The following KRABD2 variants were observed in gnomAD, a reference collection of about 807,000 sequenced individuals.
KRABD2 encodes the protein KRAB domain-containing protein 2.
chr17:8,359,333 A>C, the KRABD2 span, among the ~76,000 whole-genome samples: 4 of 152,206 alleles, frequency 2.6e-5, no homozygotes, highest in Non-Finnish European at 5.9e-5. Flanking sequence ...TTCTCCCTGC[A>C]AGAAGTCCTC....
At chr17:8,366,935 G>A in the KRABD2 span, among the ~76,000 whole-genome samples, 2 of 151,696 alleles carry the variant, frequency 1.3e-5, no homozygotes, top group Non-Finnish European at 2.9e-5. Flanking sequence ...TTGGCCAGGC[G>A]GGTCTCGAAC....
At chr17:8,370,026 A>G in the KRABD2 span, 1 of 1,614,174 alleles carries the variant, frequency 6.2e-7, no homozygotes, top group Non-Finnish European at 8.5e-7. Context: ...ATCATGAAGA[A>G]TATCAAACAA....
At chr17:8,363,318 C>T in the KRABD2 span, among the ~76,000 whole-genome samples, 1 of 152,028 alleles carries the variant, frequency 6.6e-6, no homozygotes, top group Non-Finnish European at 1.5e-5. Context: ...AAGAAATGGC[C>T]AAGGATGAGA....
At chr17:8,363,670 T>C in the KRABD2 span, among the ~76,000 whole-genome samples, 1 of 151,556 alleles carries the variant, frequency 6.6e-6, no homozygotes, top group African/African-American at 2.4e-5. Context: ...TTAAATGGCA[T>C]TATTTTTCCA....
the KRABD2 span, among the ~76,000 whole-genome samples, chr17:8,361,957 A>T: frequency 1.3e-5 from 2 of 152,214 alleles, no homozygotes; most frequent in Admixed American, 6.5e-5. Context: ...GAGGAAAATT[A>T]AGTCCTTAAT....
At chr17:8,368,105 A>G in the KRABD2 span, among the ~76,000 whole-genome samples, 1 of 151,928 alleles carries the variant, frequency 6.6e-6, no homozygotes, top group African/African-American at 2.4e-5. Flanking sequence ...TGAAAAAAAA[A>G]ATAAATAAAT....
chr17:8,366,075 C>T, the KRABD2 span, among the ~76,000 whole-genome samples: 420 of 152,016 alleles, frequency 2.8e-3, 1 homozygote, highest in African/African-American at 9.6e-3. Context: ...TTGCAGTGAG[C>T]CAAGATTGTG....
chr17:8,369,777 T>G, the KRABD2 span: 1 of 1,614,208 alleles, frequency 6.2e-7, no homozygotes, highest in Non-Finnish European at 8.5e-7. Context: ...TAAAATGAAC[T>G]TGAACTCACC....
chr17:8,367,662 C>CAA, the KRABD2 span, among the ~76,000 whole-genome samples: 71 of 94,132 alleles, frequency 7.5e-4, no homozygotes, highest in Admixed American at 4.6e-3. Context: ...GACCCTGTCT[C>CAA]AAAAAAAAAA....
chr17:8,369,365 G>C, the KRABD2 span: 1 of 1,614,204 alleles, frequency 6.2e-7, no homozygotes, highest in Non-Finnish European at 8.5e-7. Flanking sequence ...GCCCAAATTT[G>C]GCTTTATAGC....
At chr17:8,362,453 C>T in the KRABD2 span, among the ~76,000 whole-genome samples, 1 of 152,144 alleles carries the variant, frequency 6.6e-6, no homozygotes, top group Non-Finnish European at 1.5e-5. This position sits in a 1 kb window ranked among gnomAD's most constrained non-coding sequence, Gnocchi z 4.2. Context: ...GGTGGGTTGT[C>T]TCCAATCAAC....
chr17:8,360,037 A>C, the KRABD2 span: 3 of 359,594 alleles, frequency 8.3e-6, no homozygotes, highest in African/African-American at 6.4e-5. Flanking sequence ...GCTCACAAGC[A>C]CTCATCTGCT....
chr17:8,364,202 A>G, the KRABD2 span, among the ~76,000 whole-genome samples: 18 of 152,080 alleles, frequency 1.2e-4, no homozygotes, highest in African/African-American at 4.1e-4. This position sits in a 1 kb window ranked among gnomAD's most constrained non-coding sequence, Gnocchi z 4.4. Context: ...TTAAATGTTT[A>G]ATGTTTAGGG....
the KRABD2 span, among the ~76,000 whole-genome samples, chr17:8,364,956 C>G: frequency 6.6e-6 from 1 of 152,096 alleles, no homozygotes; most frequent in South Asian, 2.1e-4. The surrounding 1 kb of genome is among the most constrained non-coding windows in gnomAD (Gnocchi z 4.4). Flanking sequence ...ATCACCTGAA[C>G]CCGGGAGGTG....
chr17:8,371,340 C>T, the KRABD2 span: 1 of 1,614,058 alleles, frequency 6.2e-7, no homozygotes, highest in South Asian at 1.1e-5. Context: ...AACTGTCCAG[C>T]ATTGTGTCTC....
chr17:8,368,863 C>A, the KRABD2 span: 1 of 405,092 alleles, frequency 2.5e-6, no homozygotes, highest in Non-Finnish European at 4.4e-6. Flanking sequence ...TCTTGAACTC[C>A]TGATCTCAAG....
At chr17:8,376,294 T>C in the KRABD2 span, 8 of 1,227,224 alleles carry the variant, frequency 6.5e-6, no homozygotes, top group African/African-American at 4.7e-5. Context: ...CTGACTCTTA[T>C]CATTTACTGA....
the KRABD2 span, among the ~76,000 whole-genome samples, chr17:8,366,043 G>A: frequency 4.0e-3 from 610 of 152,054 alleles, 4 homozygotes; most frequent in African/African-American, 0.014. Context: ...CAGGAGAATC[G>A]CTTTAACCTG....
At chr17:8,376,365 C>T in the KRABD2 span, 1 of 1,198,518 alleles carries the variant, frequency 8.3e-7, no homozygotes, top group Admixed American at 4.4e-5. Flanking sequence ...ATGACCAGTA[C>T]CCATCACAAT....
Sources: allele counts gnomAD v4.1 joint callset (sites outside exome capture counted in the v4.1 genomes callset), GRCh38; gene constraint gnomAD v4.1.1; non-coding constraint Gnocchi (gnomAD v3.1); transcripts MANE v1.5; gene names NCBI Gene and HGNC (gene_info 2026-07-23, HGNC 2026-07-21).